The following PCDH19 variants were observed in gnomAD, a reference collection of about 807,000 sequenced individuals.
PCDH19 encodes protocadherin-19.
A neutral mutation model predicts 46.2 loss-of-function variants in PCDH19; 6 were observed. That is an observed-to-expected ratio of 0.13 (90% CI 0.07 to 0.26). The LOEUF (loss-of-function observed/expected upper bound fraction) is 0.26, where lower values mean the gene tolerates loss of function less well. Ranked by LOEUF, PCDH19 falls within the 10% of genes least tolerant of loss-of-function variation. The pLI is 1.00. For synonymous variants in PCDH19, 481 were observed against 415.7 expected, an observed-to-expected ratio of 1.16 and a Z score of -1.91; for missense variants, 740 against 972.3, an observed-to-expected ratio of 0.76 and a Z score of 3.18.
intron 5 of PCDH19, among the ~76,000 whole-genome samples, chrX:100,332,301 C>A (rs1053262083): frequency 6.3e-5 from 7 of 111,606 alleles, no homozygotes. Context: ...GCGGGTGGAT[C>A]ACCTGAGGTC....
In PCDH19 at chrX:100,372,737, T is replaced by G. The variant is rs181066910; in HGVS notation, c.2617-22033A>C. ...AAGTACTAAAAGCCTCTTGCTTTTTTGGGGAAACTCTGTTCTAGCTGGTGT... is the reference window on the plus strand; with the variant it reads ...AAGTACTAAAAGCCTCTTGCTTTTTGGGGGAAACTCTGTTCTAGCTGGTGT... On this transcript the variant is annotated intron_variant, in intron 3 of 5. Transcript: ENST00000373034. Among the ~76,000 whole-genome samples, 15 of 112,400 alleles carry G rather than the reference T, an allele frequency of 1.3e-4. 1 individual carries two copies. The highest frequency in any genetic ancestry group is 3.8e-4 in the Admixed American group (4 of 10,646).
chrX:100,380,476 C>T (rs1257580913), intron 3 of PCDH19, among the ~76,000 whole-genome samples: 1 of 111,479 alleles, frequency 9.0e-6, no homozygotes, highest in Non-Finnish European at 1.9e-5. Context: ...GTTTTGCTGA[C>T]CACTATTTAG....
At chrX:100,306,664 A>G (rs1924954761) in intron 5 of PCDH19, among the ~76,000 whole-genome samples, 2 of 111,328 alleles carry the variant, frequency 1.8e-5, no homozygotes, top group Admixed American at 1.9e-4. Context: ...ATGATTAACC[A>G]AGATTAACCA....
At chrX:100,382,690 A>G (rs1956864264) in intron 3 of PCDH19, among the ~76,000 whole-genome samples, 1 of 112,041 alleles carries the variant, frequency 8.9e-6, no homozygotes, top group Admixed American at 9.5e-5. Flanking sequence ...AGAGTCATGC[A>G]GGAGAAAGGT....
intron 5 of PCDH19, among the ~76,000 whole-genome samples, chrX:100,330,322 C>A (rs1346674014): frequency 8.9e-6 from 1 of 111,761 alleles, no homozygotes; most frequent in Admixed American, 9.5e-5. Context: ...TCCATAGAGA[C>A]TGAAAGAGGA....
Position 100,409,327 on chromosome X carries a change from G to A in PCDH19, c.-730C>T, listed in dbSNP as rs12007457. On this transcript the variant is annotated 5_prime_UTR_variant, in exon 1 of 6. Coordinates refer to ENST00000373034, the MANE Select transcript of PCDH19 (RefSeq NM_001184880.2). ...GGTCCCGGGGCCAGCAGAGGAAGGG[G>A]GAGGGGAGAGAGGCTGCCAGAGCTT... 0.033 allele frequency: 3,746 copies of A among 111,862 alleles called. 164 individuals are homozygous for A. Among genetic ancestry groups the A allele is most frequent in the African/African-American group, 0.12 (3,548 of 30,613 alleles). 9.2% of individuals were successfully genotyped at this position (111,862 alleles called of 1,213,427 possible).
intron 4 of PCDH19, among the ~76,000 whole-genome samples, chrX:100,348,065 C>CAAA (rs1177957771): frequency 2.7e-3 from 108 of 40,392 alleles, no homozygotes; most frequent in East Asian, 4.8e-3. Flanking sequence ...GATTCCGTCT[C>CAAA]AAAAAAAAAA....
At chrX:100,370,367 G>GA (rs1927183874) in intron 3 of PCDH19, among the ~76,000 whole-genome samples, 1 of 111,855 alleles carries the variant, frequency 8.9e-6, no homozygotes, top group African/African-American at 3.2e-5. Context: ...AAACTGAAAG[G>GA]AAAAAAGAGT....
intron 3 of PCDH19, among the ~76,000 whole-genome samples, chrX:100,357,219 T>G (rs991863340): frequency 9.0e-6 from 1 of 111,673 alleles, no homozygotes; most frequent in Non-Finnish European, 1.9e-5. Flanking sequence ...GTACGCAGGC[T>G]ACTGGACTGC....
intron 5 of PCDH19, among the ~76,000 whole-genome samples, chrX:100,338,136 T>C (rs1479532532): frequency 1.8e-5 from 2 of 108,698 alleles, no homozygotes; most frequent in African/African-American, 6.7e-5. Flanking sequence ...AGGTCAGGAG[T>C]TCGAGACCAG....
chrX:100,382,501 A>G (rs767863764), intron 3 of PCDH19, among the ~76,000 whole-genome samples: 1 of 112,328 alleles, frequency 8.9e-6, no homozygotes, highest in African/African-American at 3.2e-5. Context: ...AGTCACTTGC[A>G]TGAAAGAAAG....
intron 3 of PCDH19, among the ~76,000 whole-genome samples, chrX:100,392,728 G>A (rs756175397): frequency 7.2e-5 from 8 of 111,689 alleles, no homozygotes; most frequent in African/African-American, 1.3e-4. Flanking sequence ...CCAACAAGCC[G>A]TTCACCATTA....
At chrX:100,325,442 T>A (rs1569292551) in intron 5 of PCDH19, among the ~76,000 whole-genome samples, 1 of 104,292 alleles carries the variant, frequency 9.6e-6, no homozygotes, top group Non-Finnish European at 1.9e-5. Flanking sequence ...AGGTCTCGGC[T>A]CACTGCAACC....
chrX:100,321,022 G>A (rs189384949), intron 5 of PCDH19, among the ~76,000 whole-genome samples: 71 of 109,443 alleles, frequency 6.5e-4, no homozygotes, highest in African/African-American at 2.3e-3. Flanking sequence ...ACATATCAGT[G>A]AGAACATGTG....
In PCDH19 at chrX:100,293,593, C is replaced by CAGTTT. The variant is rs2147442597; in HGVS notation, c.*2679_*2683dup. ...TGCAGGTACAGCCTGCCTACAAAAC[C>CAGTTT]AGTTTACAAAGCCTTCCTAGTATGC... On this transcript the variant is annotated 3_prime_UTR_variant, in exon 6 of 6. Coordinates refer to ENST00000373034, the MANE Select transcript of PCDH19 (RefSeq NM_001184880.2). 9.0e-6 allele frequency: 1 copy of CAGTTT among 111,360 alleles called. No individual in the cohort carries two copies. The highest frequency in any genetic ancestry group is 3.9e-4 in the South Asian group (1 of 2,590). 9.2% of individuals were successfully genotyped at this position (111,360 alleles called of 1,213,427 possible). A position where few individuals can be genotyped will look rare whatever the true frequency, so the allele number is the denominator to read the frequency against.
intron 1 of PCDH19, among the ~76,000 whole-genome samples, chrX:100,404,205 C>G (rs181088224): frequency 8.9e-6 from 1 of 111,836 alleles, no homozygotes; most frequent in Admixed American, 9.5e-5. Flanking sequence ...GACTACACAT[C>G]TACAGAGGCA....
intron 3 of PCDH19, among the ~76,000 whole-genome samples, chrX:100,354,941 A>G (rs1926670256): frequency 9.0e-6 from 1 of 111,090 alleles, no homozygotes; most frequent in Non-Finnish European, 1.9e-5. Flanking sequence ...TAATTGTCAC[A>G]TTAAAAAAAA....
rs1207488480 is a variant in PCDH19 at position 100,363,886 on chromosome X, T to TGTGTGAGA, written c.2617-13183_2617-13182insTCTCACAC. ...GTGTGTGTGTGTGTGTGTGTGTGTG[T>TGTGTGAGA]GAGAGAGAGGGAGAGGGAGAGAGAA... On this transcript the variant is annotated intron_variant, in intron 3 of 5. Transcript: ENST00000373034. Among the ~76,000 whole-genome samples, 253 of 98,005 alleles carry TGTGTGAGA rather than the reference T, an allele frequency of 2.6e-3. 1 individual carries two copies. Among genetic ancestry groups the TGTGTGAGA allele is most frequent in the African/African-American group, 4.1e-3 (105 of 25,721 alleles). 85.1% of individuals were successfully genotyped at this position (98,005 alleles called of 115,157 possible).
At chrX:100,309,181 C>CACACACACACACACA (rs1569287919) in intron 5 of PCDH19, among the ~76,000 whole-genome samples, 8 of 109,792 alleles carry the variant, frequency 7.3e-5, no homozygotes, top group Non-Finnish European at 7.6e-5. Flanking sequence ...CACACACACA[C>CACACACACACACACA]CATGGAAATA....
Sources: allele counts gnomAD v4.1 joint callset (sites outside exome capture counted in the v4.1 genomes callset), GRCh38; gene constraint gnomAD v4.1.1; transcripts MANE v1.5; gene names NCBI Gene and HGNC (gene_info 2026-07-23, HGNC 2026-07-21).